Variants in CMYA5 observed in about 807,000 individuals in gnomAD.
The protein encoded by CMYA5 is cardiomyopathy-associated protein 5.
A neutral mutation model predicts 318.9 loss-of-function variants in CMYA5; 246 were observed. The ratio of observed to expected loss-of-function variants is 0.77; its 90% confidence interval spans 0.70 to 0.86. CMYA5 has a LOEUF of 0.86. Ranked by LOEUF, CMYA5 falls within the 40% of genes least tolerant of loss-of-function variation. The pLI is 0.00. For missense variants in CMYA5, 4,589 were observed against 4,678.2 expected (o/e 0.98, Z 0.56); for synonymous variants, 1,641 against 1,729.5 (o/e 0.95, Z 1.27).
chr5:79,748,636 G>A (rs1192262694), intron 5 of CMYA5, among the ~76,000 whole-genome samples: 1 of 151,906 alleles, frequency 6.6e-6, no homozygotes, highest in African/African-American at 2.4e-5. Flanking sequence ...TCCACCTCCC[G>A]GGTTTAAGCA....
chr5:79,761,012 G>A (rs559235346), intron 7 of CMYA5, among the ~76,000 whole-genome samples: 2 of 152,192 alleles, frequency 1.3e-5, no homozygotes, highest in South Asian at 4.2e-4. Flanking sequence ...TGACATTCAA[G>A]AGTCATAAGG....
rs781698354 is a variant in CMYA5 at position 79,729,782 on chromosome 5, GCA to G, written c.1022_1023del (p.Thr341SerfsTer7). On this transcript the variant is annotated frameshift_variant, in exon 2 of 13. Coordinates refer to ENST00000446378, the MANE Select transcript of CMYA5 (RefSeq NM_153610.5). LOFTEE classifies it high-confidence loss of function. Reference sequence around the variant, plus strand: ...CCCTAAATGCCACATCTGCATTGGAGCACACAGTTCCCTCTTATTCAAGTAGT... The same window carrying G: ...CCCTAAATGCCACATCTGCATTGGAGCACAGTTCCCTCTTATTCAAGTAGT... The part of the protein sequence containing the change: ...SPLNATSALE[H>X]TVPSYSSSGR... 74 of 1,613,780 alleles carry G rather than the reference GCA, an allele frequency of 4.6e-5. No individual in the cohort carries two copies. Among genetic ancestry groups the G allele is most frequent in the Non-Finnish European group, 5.9e-5 (70 of 1,179,874 alleles).
At chr5:79,697,740 T>C (rs1253879341) in intron 1 of CMYA5, among the ~76,000 whole-genome samples, 1 of 152,218 alleles carries the variant, frequency 6.6e-6, no homozygotes, top group East Asian at 1.9e-4. Flanking sequence ...ATATATATAA[T>C]ACACACCTGT....
Position 79,729,121 on chromosome 5 carries a change from G to A in CMYA5, c.356G>A (p.Gly119Glu). ...GGGTCAACTGTGAATTCTCCTCCTGGAAATGTTTCCTTTATTGTGGATGAA... is the reference window on the plus strand; with the variant it reads ...GGGTCAACTGTGAATTCTCCTCCTGAAAATGTTTCCTTTATTGTGGATGAA... ...REGSTVNSPPGNVSFIVDEVK... is the reference protein window; with the variant it reads ...REGSTVNSPPENVSFIVDEVK... The change falls in exon 2 of 13, where the codon GGA (glycine) becomes GAA (glutamate). Residue 119 changes from glycine (G) to glutamate (E), a missense_variant. This residue lies in a region of CMYA5 where 2,132 missense variants were observed against 2,131.3 expected (regional missense o/e 1.00). Coordinates refer to ENST00000446378, the MANE Select transcript of CMYA5 (RefSeq NM_153610.5). The A allele has an allele frequency of 6.2e-7, 1 of 1,613,404 alleles. No individual in the cohort carries two copies. The highest frequency in any genetic ancestry group is 8.5e-7 in the Non-Finnish European group (1 of 1,179,678).
At chr5:79,790,343 C>T (rs924280021) in intron 10 of CMYA5, among the ~76,000 whole-genome samples, 1 of 152,052 alleles carries the variant, frequency 6.6e-6, no homozygotes, top group African/African-American at 2.4e-5. Context: ...GATCTCGGCT[C>T]ACTGCAATCT....
intron 2 of CMYA5, among the ~76,000 whole-genome samples, chr5:79,741,741 G>A (rs1353854347): frequency 6.6e-6 from 1 of 151,062 alleles, no homozygotes; most frequent in African/African-American, 2.4e-5. Context: ...TTCTTAATAT[G>A]TTTTGTTTAT....
At position 79,730,881 on chromosome 5, in the gene CMYA5, G is replaced by A. The variant is rs374551894; in HGVS notation, c.2116G>A (p.Ala706Thr). Residue 706 changes from alanine (A) to threonine (T), a missense_variant, in exon 2 of 13, where the codon GCA (alanine) becomes ACA (threonine). Physicochemically the swap from Ala to Thr is moderately conservative, Grantham distance 58. Coordinates refer to ENST00000446378, the MANE Select transcript of CMYA5 (RefSeq NM_153610.5). ...SASEYSVPSL[A>T]TKESLKKTID... The stretch of plus-strand genomic sequence containing the variant: ...TTCTGAATATTCAGTTCCATCACTG[G>A]CAACAAAAGAGTCACTGAAGAAAAC... 2 of 1,613,904 alleles carry A rather than the reference G, an allele frequency of 1.2e-6. No individual in the cohort carries two copies. Among genetic ancestry groups the A allele is most frequent in the Non-Finnish European group, 1.7e-6 (2 of 1,179,878 alleles).
chr5:79,705,589 G>A (rs1580748360), intron 1 of CMYA5, among the ~76,000 whole-genome samples: 2 of 152,036 alleles, frequency 1.3e-5, no homozygotes, highest in African/African-American at 4.8e-5. Flanking sequence ...TCTTCCCACT[G>A]CAAATATTTT....
At chr5:79,754,084 G>A (rs1012195532) in intron 6 of CMYA5, among the ~76,000 whole-genome samples, 3 of 152,188 alleles carry the variant, frequency 2.0e-5, no homozygotes, top group African/African-American at 7.2e-5. Context: ...TGCACATGGC[G>A]GTCCCTGTGG....
chr5:79,710,514 G>A (rs1386749081), intron 1 of CMYA5, among the ~76,000 whole-genome samples: 1 of 152,060 alleles, frequency 6.6e-6, no homozygotes, highest in African/African-American at 2.4e-5. Flanking sequence ...TTTAAAAAAA[G>A]CACATTACAA....
At chr5:79,767,556 A>G (rs894998237) in intron 9 of CMYA5, among the ~76,000 whole-genome samples, 1 of 152,150 alleles carries the variant, frequency 6.6e-6, no homozygotes, top group Non-Finnish European at 1.5e-5. Context: ...TAATTTCATT[A>G]TTTACCCAGT....
intron 1 of CMYA5, among the ~76,000 whole-genome samples, chr5:79,715,014 G>A (rs561263524): frequency 4.6e-5 from 7 of 152,284 alleles, no homozygotes; most frequent in African/African-American, 1.4e-4. Context: ...AGAGATAGAG[G>A]TGATGGTAAT....
chr5:79,698,884 C>T (rs184559085), intron 1 of CMYA5, among the ~76,000 whole-genome samples: 68 of 152,266 alleles, frequency 4.5e-4, no homozygotes, highest in Admixed American at 7.2e-4. Flanking sequence ...TGACCGGACA[C>T]GGTGGCTCAA....
rs1315338026 is a variant in CMYA5 at position 79,758,909 on chromosome 5, T to C, written c.11260+7T>C. The C allele has an allele frequency of 2.6e-6, 4 of 1,563,164 alleles. 1 individual carries two copies. The South Asian group carries it at 4.9e-5, about 19-fold the overall frequency. ...GATGATCAAGAAGTAAATGGTAGGATTGCTAACACAAATACAAATGCATAT... is the reference window on the plus strand; with the variant it reads ...GATGATCAAGAAGTAAATGGTAGGACTGCTAACACAAATACAAATGCATAT... On this transcript the variant is annotated splice_region_variant and intron_variant, in intron 7 of 12. Coordinates refer to ENST00000446378, the MANE Select transcript of CMYA5 (RefSeq NM_153610.5).
rs749777236 is a variant in CMYA5, at chr5:79,736,399, T to C, written c.7634T>C (p.Val2545Ala). 3.7e-6 allele frequency: 6 copies of C among 1,610,662 alleles called. No individual in the cohort carries two copies. In the African/African-American group the frequency reaches 8.0e-5, roughly 22 times the overall value. ...KEKGEEKENQ[V>A]YVLSEGKKQQ... ...AAAGGTGAAGAAAAAGAAAATCAGG[T>C]ATATGTGCTTTCAGAAGGAAAGAAG... Residue 2545 changes from valine to alanine, a missense_variant, in exon 2 of 13, where the codon GTA becomes GCA. Transcript: ENST00000446378.
chr5:79,738,075 C>G lies in CMYA5; in HGVS notation c.9310C>G (p.His3104Asp), dbSNP rs748149418. 1.4e-5 allele frequency: 22 copies of G among 1,613,440 alleles called. No homozygotes were observed. Among genetic ancestry groups the G allele is most frequent in the Middle Eastern group, 1.7e-4 (1 of 6,058 alleles). ...AAGTTCAGTGGAAAGTGCACTAGAA[C>G]ATGAATATGACTTGGTGAAATTAGA... ...PVSSVESALE[H>D]EYDLVKLDES... The change falls in exon 2 of 13, where the codon CAT becomes GAT. Residue 3104 changes from histidine (H) to aspartate (D), a missense_variant. Physicochemically the swap from His to Asp is moderately conservative, Grantham distance 81. Coordinates refer to ENST00000446378, the MANE Select transcript of CMYA5 (RefSeq NM_153610.5).
chr5:79,793,450 C>T lies in CMYA5; in HGVS notation c.11803C>T (p.Leu3935=). Residue 3935 remains leucine, a synonymous_variant, in exon 12 of 13, where the codon CTG becomes TTG. Transcript: ENST00000446378. ...CTTCACCCACAGAATCCCGTCAGTG[C>T]TGGGTGAGGAGCTGCCTTCCTGTGG... ...RRRLTEIPSV[L]GEELPSCGQH... is the part of the protein sequence containing the mutation. 11 of 1,612,578 alleles carry T rather than the reference C, an allele frequency of 6.8e-6. No individual in the cohort carries two copies. The highest frequency in any genetic ancestry group is 9.3e-6 in the Non-Finnish European group (11 of 1,178,784).
chr5:79,713,512 T>C (rs2151079148), intron 1 of CMYA5, among the ~76,000 whole-genome samples: 1 of 152,110 alleles, frequency 6.6e-6, no homozygotes, highest in Middle Eastern at 3.4e-3. Flanking sequence ...TAGTTTTTTA[T>C]AATAGTGGAG....
Position 79,729,605 on chromosome 5 carries a change from A to G in CMYA5, c.840A>G (p.Thr280=), listed in dbSNP as rs774724390. The G allele has an allele frequency of 2.5e-6, 4 of 1,613,668 alleles. No individual in the cohort carries two copies. The highest frequency in any genetic ancestry group is 1.1e-5 in the South Asian group (1 of 91,056). ...ATTTGGACAATAGTGGTTCTAATACAGTGTCCAAAACACGCAAATTAGTAG... is the reference window on the plus strand; with the variant it reads ...ATTTGGACAATAGTGGTTCTAATACGGTGTCCAAAACACGCAAATTAGTAG... ...EPDLDNSGSN[T]VSKTRKLVAQ... Residue 280 remains threonine (T), a synonymous_variant, in exon 2 of 13, where the codon ACA becomes ACG. Transcript: ENST00000446378.
Sources: allele counts gnomAD v4.1 joint callset (sites outside exome capture counted in the v4.1 genomes callset), GRCh38; gene constraint gnomAD v4.1.1; regional missense constraint gnomAD v4.1.1; transcripts MANE v1.5; gene names NCBI Gene and HGNC (gene_info 2026-07-23, HGNC 2026-07-21).